Variants in GATA4 observed in about 807,000 individuals in gnomAD.
GATA4 encodes the protein transcription factor GATA-4.
Under a neutral mutation model 37.9 loss-of-function variants are expected in GATA4, and 7 were observed. The observed-to-expected ratio is 0.18, with a 90% CI of 0.11 to 0.35. The LOEUF (loss-of-function observed/expected upper bound fraction) is 0.35. Ranked by LOEUF, GATA4 falls within the 10% of genes least tolerant of loss-of-function variation. GATA4 has a pLI of 1.00. For missense variants in GATA4, 647 were observed against 653.0 expected, an observed-to-expected ratio of 0.99 and a Z score of 0.10; for synonymous variants, 372 against 292.6, an observed-to-expected ratio of 1.27 and a Z score of -2.77.
At chr8:11,694,139 C>T (rs1167535721) in intron 1 of GATA4, among the ~76,000 whole-genome samples, 2 of 152,140 alleles carry the variant, frequency 1.3e-5, no homozygotes, top group Non-Finnish European at 2.9e-5. Flanking sequence ...TTTTGTTCTC[C>T]GGTTTGCGGG....
At chr8:11,721,647 AG>A (rs1048621851) in intron 2 of GATA4, among the ~76,000 whole-genome samples, 13 of 152,192 alleles carry the variant, frequency 8.5e-5, no homozygotes, top group African/African-American at 2.6e-4. Context: ...GTTCAAATTG[AG>A]GGCCAAGAGG....
chr8:11,759,633 C>T lies in GATA4; in HGVS notation c.*1158C>T, dbSNP rs11785481. ...AAAGAAGACGACTGCTAAGACACGG[C>T]AGGGGGGCCTGGAGGGAGCCTCCGA... On this transcript the variant is annotated 3_prime_UTR_variant, in exon 7 of 7. Coordinates refer to ENST00000532059, the MANE Select transcript of GATA4 (RefSeq NM_001308093.3). The T allele has an allele frequency of 0.098, 14,882 of 152,424 alleles. 946 individuals carry two copies. Among genetic ancestry groups the T allele is most frequent in the Non-Finnish European group, 0.14 (9,777 of 68,082 alleles). 9.4% of individuals were successfully genotyped at this position (152,424 alleles called of 1,614,324 possible). A position where few individuals can be genotyped will look rare whatever the true frequency, so the allele number is the denominator to read the frequency against.
chr8:11,754,356 A>G (rs804281), intron 4 of GATA4, among the ~76,000 whole-genome samples: 104,165 of 152,098 alleles, frequency 0.68, 36,731 homozygotes, highest in East Asian at 0.98. Context: ...AGCTGGGACT[A>G]CAGGCATGCA....
intron 2 of GATA4, among the ~76,000 whole-genome samples, chr8:11,714,779 C>A (rs1435286977): frequency 6.6e-6 from 1 of 152,186 alleles, no homozygotes; most frequent in Non-Finnish European, 1.5e-5. Flanking sequence ...TATCCCTCCC[C>A]ATTTCTTTTC....
Position 11,749,999 on chromosome 8 carries a change from GGGCCCAGCCCTGCCTCCCGTTAGGGA to G in GATA4, c.787-103_787-78del. The G allele has an allele frequency of 5.4e-6, 8 of 1,489,994 alleles. No homozygotes were observed. The highest frequency in any genetic ancestry group is 1.4e-5 in the African/African-American group (1 of 72,734). 92.3% of individuals were successfully genotyped at this position (1,489,994 alleles called of 1,614,324 possible). On this transcript the variant is annotated intron_variant, in intron 3 of 6. Transcript: ENST00000532059. The surrounding 1 kb of genome is among the most constrained non-coding windows in gnomAD (Gnocchi z 4.6). Reference sequence around the variant, plus strand: ...TCAGAGATCTCATGCAGGGTCGTTAGGGCCCAGCCCTGCCTCCCGTTAGGGAGGCCCAGCTCCGCAGCCACACGCGA... The same window carrying G: ...TCAGAGATCTCATGCAGGGTCGTTAGGGCCCAGCTCCGCAGCCACACGCGA...
At chr8:11,731,314 C>A (rs1801197825) in intron 2 of GATA4, among the ~76,000 whole-genome samples, 2 of 152,158 alleles carry the variant, frequency 1.3e-5, no homozygotes, top group African/African-American at 2.4e-5. Flanking sequence ...GACACAATAT[C>A]CAAAAGGTGG....
chr8:11,680,714 T>C, intron 1 of GATA4: 1 of 985,216 alleles, frequency 1.0e-6, no homozygotes, highest in Non-Finnish European at 1.2e-6. Context: ...CTCCAGCCGC[T>C]GCGCACGGAT....
chr8:11,739,463 G>C (rs1801616861), intron 2 of GATA4, among the ~76,000 whole-genome samples: 1 of 147,362 alleles, frequency 6.8e-6, no homozygotes, highest in Admixed American at 6.7e-5. Flanking sequence ...AGTGCAACGT[G>C]GTGTGATTTT....
At chr8:11,744,203 CAA>C (rs1260613765) in intron 2 of GATA4, among the ~76,000 whole-genome samples, 4 of 152,198 alleles carry the variant, frequency 2.6e-5, no homozygotes, top group Non-Finnish European at 5.9e-5. Flanking sequence ...TAACCAGCGC[CAA>C]AGTTTGTCCT....
In GATA4 at chr8:11,749,822, G is replaced by A. The variant is rs1367750315; in HGVS notation, c.787-289G>A. Among the ~76,000 whole-genome samples, 3 of 152,206 alleles carry A rather than the reference G, an allele frequency of 2.0e-5. No homozygotes were observed. The highest frequency in any genetic ancestry group is 2.9e-5 in the Non-Finnish European group (2 of 68,022). On this transcript the variant is annotated intron_variant, in intron 3 of 6. Coordinates refer to ENST00000532059, the MANE Select transcript of GATA4 (RefSeq NM_001308093.3). This position sits in a 1 kb window ranked among gnomAD's most constrained non-coding sequence, Gnocchi z 4.6. ...AGCTTTCCTGCCGGCAGTGCCCGGC[G>A]CTCACTGGTTATTCGCCTGACGGTG...
At chr8:11,751,349 G>A (rs1802292215) in intron 4 of GATA4, among the ~76,000 whole-genome samples, 1 of 152,098 alleles carries the variant, frequency 6.6e-6, no homozygotes, top group Non-Finnish European at 1.5e-5. Flanking sequence ...TAATTTATAG[G>A]TGGTTGCTTC....
intron 2 of GATA4, among the ~76,000 whole-genome samples, chr8:11,748,158 C>T (rs1409862443): frequency 6.6e-6 from 1 of 152,170 alleles, no homozygotes; most frequent in African/African-American, 2.4e-5. Flanking sequence ...GCAGAGGTTG[C>T]AGTGAGCTGA....
chr8:11,751,116 TTTGTAAATATTTAC>T (rs2130318274), intron 4 of GATA4, among the ~76,000 whole-genome samples: 1 of 152,318 alleles, frequency 6.6e-6, no homozygotes, highest in Admixed American at 6.5e-5. Flanking sequence ...TATATTTGAT[TTTGTAAATATTTAC>T]TGTTTGTGCC....
intron 1 of GATA4, among the ~76,000 whole-genome samples, chr8:11,693,740 C>G (rs1799416214): frequency 1.3e-5 from 2 of 152,122 alleles, no homozygotes; most frequent in Admixed American, 1.3e-4. Flanking sequence ...ACCCCCACTC[C>G]CAGCCCTTGT....
intron 1 of GATA4, among the ~76,000 whole-genome samples, chr8:11,680,263 G>T (rs1001194429): frequency 2.0e-5 from 3 of 152,240 alleles, no homozygotes; most frequent in Admixed American, 6.5e-5. Context: ...CGGGAGACCA[G>T]GCGGTGCCGG....
chr8:11,734,483 GTCTTT>G (rs1221556444), intron 2 of GATA4, among the ~76,000 whole-genome samples: 2 of 152,086 alleles, frequency 1.3e-5, no homozygotes, highest in East Asian at 1.9e-4. Context: ...TATCTATTCT[GTCTTT>G]TCTTTTCTTT....
At chr8:11,703,552 G>A (rs1348827048), upstream of GATA4, among the ~76,000 whole-genome samples, 2 of 152,262 alleles carry the variant, frequency 1.3e-5, no homozygotes, top group Non-Finnish European at 2.9e-5. Flanking sequence ...GGCCACAGGA[G>A]ATGGGAAGTG....
At chr8:11,679,678 G>A (rs578021677) in intron 1 of GATA4, among the ~76,000 whole-genome samples, 1 of 152,216 alleles carries the variant, frequency 6.6e-6, no homozygotes, top group Non-Finnish European at 1.5e-5. Flanking sequence ...GGCGAGCCCT[G>A]AGTGGGCCGG....
intron 2 of GATA4, among the ~76,000 whole-genome samples, chr8:11,711,292 C>T (rs1236055156): frequency 1.3e-5 from 2 of 152,198 alleles, no homozygotes; most frequent in Non-Finnish European, 2.9e-5. Context: ...CTGGGCTCTT[C>T]CCGGATAGCT....
Sources: allele counts gnomAD v4.1 joint callset (sites outside exome capture counted in the v4.1 genomes callset), GRCh38; gene constraint gnomAD v4.1.1; non-coding constraint Gnocchi (gnomAD v3.1); transcripts MANE v1.5; gene names NCBI Gene and HGNC (gene_info 2026-07-23, HGNC 2026-07-21).